Variants in FAH observed in about 807,000 individuals in gnomAD.
FAH encodes the protein fumarylacetoacetase.
FAH carries 47 observed loss-of-function variants against 55.8 expected under a neutral mutation model. The observed-to-expected ratio is 0.84, with a 90% CI of 0.67 to 1.07. The LOEUF (loss-of-function observed/expected upper bound fraction) is 1.07, where lower values mean the gene tolerates loss of function less well. Ranked by LOEUF, FAH falls within the 50% of genes least tolerant of loss-of-function variation. The pLI, the probability that FAH is intolerant of heterozygous loss-of-function variation, is 0.00. For synonymous variants in FAH, 199 were observed against 207.7 expected, an observed-to-expected ratio of 0.96 and a Z score of 0.36; for missense variants, 495 against 545.9, an observed-to-expected ratio of 0.91 and a Z score of 0.93.
intron 13 of FAH, among the ~76,000 whole-genome samples, chr15:80,185,534 G>A (rs2041363049): frequency 6.6e-6 from 1 of 152,204 alleles, no homozygotes; most frequent in African/African-American, 2.4e-5. Context: ...TGCTGATAAA[G>A]ACATTCCTGA....
intron 13 of FAH, among the ~76,000 whole-genome samples, chr15:80,183,089 A>G (rs1027117709): frequency 3.9e-5 from 6 of 152,298 alleles, no homozygotes; most frequent in South Asian, 2.1e-4. Context: ...AGATGCCATG[A>G]GAGTCATTTC....
At chr15:80,181,309 T>C in intron 13 of FAH, 150 bp downstream of exon 13, 1 of 647,954 alleles carries the variant, frequency 1.5e-6, no homozygotes, top group Non-Finnish European at 2.9e-6. Flanking sequence ...GTTCTGTCCT[T>C]CCCCACAGCT....
At chr15:80,172,115 G>T in intron 7 of FAH, 34 bp from the exon 8 acceptor site, 1 of 1,510,226 alleles carries the variant, frequency 6.6e-7, no homozygotes, top group East Asian at 2.3e-5. Context: ...CGGCAGATCA[G>T]CTCCAGATTC....
intron 7 of FAH, 94 bp downstream of exon 7, chr15:80,168,410 C>T (rs2041214603): frequency 1.6e-6 from 2 of 1,271,838 alleles, no homozygotes; most frequent in Non-Finnish European, 2.3e-6. Flanking sequence ...GCCGCCCACT[C>T]CCCTCCTCTT....
At chr15:80,183,900 G>A (rs2041350090) in intron 13 of FAH, among the ~76,000 whole-genome samples, 1 of 152,216 alleles carries the variant, frequency 6.6e-6, no homozygotes, top group Non-Finnish European at 1.5e-5. Context: ...TTTGAACACA[G>A]GCAGTTGGGC....
At chr15:80,183,425 G>A (rs2041346340) in intron 13 of FAH, among the ~76,000 whole-genome samples, 1 of 152,262 alleles carries the variant, frequency 6.6e-6, no homozygotes, top group South Asian at 2.1e-4. Flanking sequence ...GAGGTGGTGT[G>A]TCAGCTGTGT....
intron 1 of FAH, among the ~76,000 whole-genome samples, chr15:80,153,761 T>C (rs995303277): frequency 6.6e-6 from 1 of 152,146 alleles, no homozygotes; most frequent in African/African-American, 2.4e-5. Flanking sequence ...TGTAGTCTGA[T>C]TGGTAGAAAG....
intron 4 of FAH, among the ~76,000 whole-genome samples, chr15:80,161,788 G>C (rs1267853955): frequency 6.6e-6 from 1 of 152,198 alleles, no homozygotes; most frequent in Non-Finnish European, 1.5e-5. Flanking sequence ...GGATTTGGAG[G>C]GGGAAGAGAT....
intron 6 of FAH, 39 bp downstream of exon 6, chr15:80,168,188 C>G: frequency 6.2e-7 from 1 of 1,610,152 alleles, no homozygotes; most frequent in Non-Finnish European, 8.5e-7. Context: ...TGGTACCCAG[C>G]TCTCTGTTCC....
intron 4 of FAH, among the ~76,000 whole-genome samples, chr15:80,160,927 C>T (rs369568019): frequency 6.6e-6 from 1 of 152,204 alleles, no homozygotes; most frequent in African/African-American, 2.4e-5. Flanking sequence ...GCTCAGCCTG[C>T]GGCCCAAAGC....
At chr15:80,167,771 A>T (rs1365353621) in intron 5 of FAH, among the ~76,000 whole-genome samples, 4 of 152,030 alleles carry the variant, frequency 2.6e-5, no homozygotes, top group African/African-American at 4.8e-5. Flanking sequence ...GCCTCATGTG[A>T]TCTGCCCACC....
chr15:80,176,886 T>G lies in FAH; in HGVS notation c.914-651T>G, dbSNP rs1020273935. On this transcript the variant is annotated intron_variant, in intron 10 of 13. Coordinates refer to ENST00000561421, the MANE Select transcript of FAH (RefSeq NM_000137.4). ...CGAAAGGGTCTGGGGAGGAGCAGCC[T>G]TGGCAGACCCAGACCTCGCATGGCT... Among the ~76,000 whole-genome samples, 58 of 152,178 alleles carry G rather than the reference T, an allele frequency of 3.8e-4. 1 individual carries two copies. Among genetic ancestry groups the G allele is most frequent in the Admixed American group, 2.0e-4 (3 of 15,272 alleles).
chr15:80,181,124 A>G lies in FAH; in HGVS notation c.1145A>G (p.Lys382Arg). ...GACCTGGGGAATGGTCAGACCAGGA[A>G]GTTTCTGCTGGACGGGGATGAAGTC... is the stretch of plus-strand genomic sequence containing the variant. The part of the protein sequence containing the change: ...PIDLGNGQTR[K>R]FLLDGDEVII... Residue 382 changes from lysine (K) to arginine (R), a missense_variant, in exon 13 of 14, where the codon AAG becomes AGG. Coordinates refer to ENST00000561421, the MANE Select transcript of FAH (RefSeq NM_000137.4). 1 of 1,613,780 alleles carries G rather than the reference A, an allele frequency of 6.2e-7. No individual in the cohort carries two copies. Among genetic ancestry groups the G allele is most frequent in the Non-Finnish European group, 8.5e-7 (1 of 1,179,720 alleles).
chr15:80,161,668 G>A (rs2041149987), intron 4 of FAH, among the ~76,000 whole-genome samples: 1 of 152,178 alleles, frequency 6.6e-6, no homozygotes, highest in Admixed American at 6.5e-5. Context: ...AAGAAAATGA[G>A]GACTGGGCTG....
intron 1 of FAH, chr15:80,157,052 G>A (rs2041105821): frequency 6.6e-6 from 1 of 152,420 alleles, no homozygotes; most frequent in Admixed American, 6.5e-5. Context: ...GCCTAAAGCA[G>A]ATTTGCCATT....
At chr15:80,171,342 T>C (rs868291431) in intron 7 of FAH, among the ~76,000 whole-genome samples, 1 of 151,986 alleles carries the variant, frequency 6.6e-6, no homozygotes, top group African/African-American at 2.4e-5. Context: ...ATGTCCTTTG[T>C]AGGGACATGG....
chr15:80,171,793 T>C (rs796640450), intron 7 of FAH, among the ~76,000 whole-genome samples: 8 of 152,254 alleles, frequency 5.3e-5, no homozygotes, highest in African/African-American at 1.4e-4. Context: ...CAAACCCTGA[T>C]AGTTTCAGTT....
rs1161933561 is a variant in FAH at position 80,158,074 on chromosome 15, A to G, written c.96A>G (p.Ile32Met). Residue 32 changes from isoleucine to methionine, a missense_variant, in exon 2 of 14, where the codon ATA (isoleucine) becomes ATG (methionine). Ile to Met is a conservative substitution (Grantham distance 10, BLOSUM62 1). Transcript: ENST00000561421. ...CTTCCTCCTAGCCAAGACCGAGGAT[A>G]GGTGTGGCCATTGGCGACCAGATCC... ...FSTRGDPRPR[I>M]GVAIGDQILD... is the part of the protein sequence containing the mutation. The G allele has an allele frequency of 2.5e-6, 4 of 1,613,540 alleles. No homozygotes were observed. In the African/African-American group the frequency reaches 5.3e-5, roughly 22 times the overall value.
In FAH at chr15:80,173,162, A is replaced by C. The variant is rs1567119082; in HGVS notation, c.837+18A>C. ...CGAAGCAGGTAAGCACATTCTCTGC[A>C]GGAAGCTCCCAAACCCAGCCCTGCT... On this transcript the variant is annotated intron_variant, in intron 9 of 13. Transcript: ENST00000561421. 6.2e-7 allele frequency: 1 copy of C among 1,614,208 alleles called. No homozygotes were observed. The highest frequency in any genetic ancestry group is 8.5e-7 in the Non-Finnish European group (1 of 1,180,036).
Sources: gnomAD v4.1 joint callset for allele counts (sites outside exome capture counted in the v4.1 genomes callset) on GRCh38, gnomAD v4.1.1 for gene constraint, MANE v1.5 for transcripts, NCBI Gene and HGNC (gene_info 2026-07-23, HGNC 2026-07-21) for gene names.